CLIP2: variants seen among roughly 807,000 people sequenced by gnomAD.
The protein encoded by CLIP2 is CAP-Gly domain-containing linker protein 2.
Under a neutral mutation model 111.7 loss-of-function variants are expected in CLIP2, and 41 were observed. The ratio of observed to expected loss-of-function variants is 0.37; its 90% CI spans 0.29 to 0.48. The LOEUF is 0.48. Among genes scored for constraint, CLIP2 ranks in the 20% least tolerant of loss-of-function variants. CLIP2 has a pLI of 0.99. For missense variants in CLIP2, 1,160 were observed against 1,422.1 expected, an observed-to-expected ratio of 0.82 and a Z score of 2.96; for synonymous variants, 660 against 644.2, an observed-to-expected ratio of 1.02 and a Z score of -0.37.
chr7:74,293,624 T>C (rs913127577), intron 1 of CLIP2, among the ~76,000 whole-genome samples: 1 of 152,112 alleles, frequency 6.6e-6, no homozygotes, highest in African/African-American at 2.4e-5. Context: ...ATGAAGGTTG[T>C]GTGTTAGGTG....
At chr7:74,367,707 T>C (rs1375283630) in intron 8 of CLIP2, among the ~76,000 whole-genome samples, 1 of 152,126 alleles carries the variant, frequency 6.6e-6, no homozygotes, top group Non-Finnish European at 1.5e-5. Context: ...AAATTGAACA[T>C]GTCCTAACCA....
intron 3 of CLIP2, among the ~76,000 whole-genome samples, chr7:74,342,386 C>G (rs4717885): frequency 6.7e-6 from 1 of 148,286 alleles, no homozygotes; most frequent in Non-Finnish European, 1.5e-5. Flanking sequence ...AAAAAAAAAA[C>G]AAAAAAAAAG....
chr7:74,390,205 G>GA (rs1362646871), intron 13 of CLIP2, among the ~76,000 whole-genome samples: 2 of 99,206 alleles, frequency 2.0e-5, no homozygotes, highest in East Asian at 4.2e-4. Context: ...AAGAAAGAAA[G>GA]AAAGAAAGAA....
At chr7:74,342,744 C>A (rs1789691600) in intron 3 of CLIP2, among the ~76,000 whole-genome samples, 1 of 151,968 alleles carries the variant, frequency 6.6e-6, no homozygotes, top group African/African-American at 2.4e-5. Context: ...TGAAACCTCA[C>A]CTCTACTGAA....
At chr7:74,396,637 C>T (rs2116705407) in intron 13 of CLIP2, among the ~76,000 whole-genome samples, 1 of 152,308 alleles carries the variant, frequency 6.6e-6, no homozygotes, top group East Asian at 1.9e-4. Flanking sequence ...TCTCCTGCCT[C>T]AGCTGCCCGA....
intron 11 of CLIP2, 49 bp downstream of exon 11, chr7:74,380,912 G>A: frequency 5.1e-6 from 8 of 1,578,674 alleles, no homozygotes; most frequent in Non-Finnish European, 7.0e-6. Context: ...GGAAGAGGCT[G>A]GCTGGCTCTG....
chr7:74,350,369 T>C (rs1562703388), intron 3 of CLIP2, among the ~76,000 whole-genome samples: 15 of 151,900 alleles, frequency 9.9e-5, no homozygotes. Context: ...TTATTTTTTA[T>C]TGTTGTATTT....
chr7:74,317,555 G>A lies in CLIP2; in HGVS notation c.9G>A (p.Lys3=), dbSNP rs782146121. 5.5e-6 allele frequency: 8 copies of A among 1,444,046 alleles called. No individual in the cohort carries two copies. The East Asian group carries it at 2.1e-4, about 38-fold the overall frequency. 89.5% of individuals were successfully genotyped at this position (1,444,046 alleles called of 1,614,324 possible). A position where few individuals can be genotyped will look rare whatever the true frequency, so the allele number is the denominator to read the frequency against. Residue 3 remains lysine (K), a synonymous_variant, in exon 2 of 17, where the codon AAG becomes AAA. Coordinates refer to ENST00000223398, the MANE Select transcript of CLIP2 (RefSeq NM_003388.5). ...TGCCCAGTGGCACCGCCATGCAGAAGCCCAGCGGCCTGAAGCCCCCCGGCC... is the reference window on the plus strand; with the variant it reads ...TGCCCAGTGGCACCGCCATGCAGAAACCCAGCGGCCTGAAGCCCCCCGGCC... MQ[K]PSGLKPPGRG...
rs139292993 is a variant in CLIP2 at position 74,389,110 on chromosome 7, G to C, written c.2571G>C (p.Glu857Asp). Residue 857 changes from glutamate (E) to aspartate (D), a missense_variant, in exon 13 of 17, where the codon GAG becomes GAC. Physicochemically the swap from Glu to Asp is conservative, Grantham distance 45 (BLOSUM62 2). Transcript: ENST00000223398. ...CCTGCCGGCTGACCCCAGCGCTGGA[G>C]AGCAAGTGTAAGTCAGGCGAGAAGA... ...EMLRAQVSAL[E>D]SKCKSGEKKV... 66 of 1,610,530 alleles carry C rather than the reference G, an allele frequency of 4.1e-5. No homozygotes were observed. Among genetic ancestry groups the C allele is most frequent in the Non-Finnish European group, 5.1e-5 (60 of 1,178,810 alleles).
chr7:74,315,129 A>G (rs1184890985), intron 1 of CLIP2, among the ~76,000 whole-genome samples: 1 of 151,720 alleles, frequency 6.6e-6, no homozygotes. Context: ...TACAAAAATT[A>G]GCCGGGCGTG....
rs1260550504 is a variant in CLIP2 at position 74,404,040 on chromosome 7, C to T, written c.*192C>T. 9.3e-6 allele frequency: 6 copies of T among 642,806 alleles called. No homozygotes were observed. The South Asian group carries it at 1.0e-4, about 11-fold the overall frequency. 39.8% of individuals were successfully genotyped at this position (642,806 alleles called of 1,614,324 possible). On this transcript the variant is annotated 3_prime_UTR_variant, in exon 17 of 17. Transcript: ENST00000223398. Reference sequence around the variant, plus strand: ...CCAGACCAGGACGCTTCCTCAAGCCCAGCCTTCTACAGAGAGTGTGAACGG... The same window carrying T: ...CCAGACCAGGACGCTTCCTCAAGCCTAGCCTTCTACAGAGAGTGTGAACGG...
chr7:74,368,517 AAAAT>A (rs1175540613), intron 8 of CLIP2, among the ~76,000 whole-genome samples: 7 of 151,298 alleles, frequency 4.6e-5, no homozygotes, highest in South Asian at 2.1e-4. Flanking sequence ...ACTCCATCTC[AAAAT>A]AAATAAATAA....
At chr7:74,303,520 C>T (rs1304593361) in intron 1 of CLIP2, among the ~76,000 whole-genome samples, 1 of 151,366 alleles carries the variant, frequency 6.6e-6, no homozygotes, top group Non-Finnish European at 1.5e-5. Context: ...TTGGGGTCCT[C>T]TCTGTTGGGG....
At chr7:74,324,944 TC>T (rs1452828580) in intron 2 of CLIP2, among the ~76,000 whole-genome samples, 1 of 151,844 alleles carries the variant, frequency 6.6e-6, no homozygotes, top group African/African-American at 2.4e-5. Flanking sequence ...CCATCTGTTC[TC>T]CGAGGGGCTG....
intron 2 of CLIP2, among the ~76,000 whole-genome samples, chr7:74,325,300 G>A (rs1021745796): frequency 6.6e-6 from 1 of 152,188 alleles, no homozygotes; most frequent in Non-Finnish European, 1.5e-5. Context: ...GGTGGTCAGA[G>A]CAGGTGGGCA....
chr7:74,317,619 A>G lies in CLIP2; in HGVS notation c.73A>G (p.Thr25Ala). 2.6e-6 allele frequency: 4 copies of G among 1,525,978 alleles called. No individual in the cohort carries two copies. Among genetic ancestry groups the G allele is most frequent in the Middle Eastern group, 1.8e-4 (1 of 5,702 alleles). 94.5% of individuals were successfully genotyped at this position (1,525,978 alleles called of 1,614,324 possible). The change falls in exon 2 of 17, where the codon ACT becomes GCT. Residue 25 changes from threonine to alanine, a missense_variant. Transcript: ENST00000223398. ...KHSSPMGRTS[T>A]GSASSSAAVA... Reference sequence around the variant, plus strand: ...CTCCAGCCCCATGGGCCGGACATCTACTGGGTCAGCTTCATCCTCGGCGGC... The same window carrying G: ...CTCCAGCCCCATGGGCCGGACATCTGCTGGGTCAGCTTCATCCTCGGCGGC...
Position 74,401,584 on chromosome 7 carries a change from G to A in CLIP2, c.3129+17G>A. The A allele has an allele frequency of 6.2e-7, 1 of 1,612,758 alleles. No individual in the cohort carries two copies. Among genetic ancestry groups the A allele is most frequent in the East Asian group, 2.2e-5 (1 of 44,866 alleles). On this transcript the variant is annotated intron_variant, in intron 16 of 16. Transcript: ENST00000223398. Reference sequence around the variant, plus strand: ...AAACAAGAGGTGAGGGGCGCCTCGGGCCTCCCAGGTCCCTCCCGTGCAGGC... The same window carrying A: ...AAACAAGAGGTGAGGGGCGCCTCGGACCTCCCAGGTCCCTCCCGTGCAGGC...
intron 1 of CLIP2, among the ~76,000 whole-genome samples, chr7:74,296,518 G>A (rs782591981): frequency 4.1e-5 from 6 of 147,712 alleles, no homozygotes; most frequent in Admixed American, 6.8e-5. Context: ...GGCCGAGCAC[G>A]GTGGCTCACG....
intron 8 of CLIP2, among the ~76,000 whole-genome samples, chr7:74,365,688 T>C (rs1278493298): frequency 6.6e-6 from 1 of 152,208 alleles, no homozygotes; most frequent in East Asian, 1.9e-4. Context: ...GCAAACTGAA[T>C]TGTGATCATA....
Sources: allele counts gnomAD v4.1 joint callset (sites outside exome capture counted in the v4.1 genomes callset), GRCh38; gene constraint gnomAD v4.1.1; transcripts MANE v1.5; gene names NCBI Gene and HGNC (gene_info 2026-07-23, HGNC 2026-07-21).